Variants in PPP1R1C observed in about 807,000 individuals in gnomAD.
The protein encoded by PPP1R1C is protein phosphatase 1 regulatory inhibitor subunit 1C.
PPP1R1C carries 15 observed loss-of-function variants against 17.4 expected under a neutral mutation model. That is an observed-to-expected ratio of 0.86 (90% confidence interval 0.58 to 1.33). The LOEUF is 1.33. PPP1R1C is among the 40% of genes most tolerant of loss of function. The pLI, the probability that PPP1R1C is intolerant of heterozygous loss-of-function variation, is 0.00. For synonymous variants in PPP1R1C, 35 were observed against 43.1 expected, an observed-to-expected ratio of 0.81 and a Z score of 0.73; for missense variants, 143 against 130.0, an observed-to-expected ratio of 1.10 and a Z score of -0.48.
chr2:182,063,907 C>G (rs1178217186), intron 4 of PPP1R1C, 116 bp downstream of exon 4: 2 of 807,608 alleles, frequency 2.5e-6, no homozygotes, highest in African/African-American at 3.4e-5. Flanking sequence ...AGCTCTACAA[C>G]TTAACAGTGT....
intron 2 of PPP1R1C, among the ~76,000 whole-genome samples, chr2:182,021,193 GGTA>G (rs1403276639): frequency 6.6e-5 from 10 of 152,084 alleles, no homozygotes; most frequent in Non-Finnish European, 1.2e-4. Context: ...TCATGCATGT[GGTA>G]GAAAGAGTCC....
chr2:181,979,472 T>C (rs1489976034), intron 2 of PPP1R1C, among the ~76,000 whole-genome samples: 2 of 152,238 alleles, frequency 1.3e-5, no homozygotes, highest in Non-Finnish European at 2.9e-5. Flanking sequence ...TACTTCTACA[T>C]GGGCACCACA....
intron 2 of PPP1R1C, among the ~76,000 whole-genome samples, chr2:182,028,352 G>T (rs1420221837): frequency 6.7e-6 from 1 of 148,362 alleles, no homozygotes; most frequent in African/African-American, 2.5e-5. Flanking sequence ...GGCATTTAGT[G>T]CTATAAATTT....
At chr2:181,984,892 A>G (rs1445637607), upstream of PPP1R1C, among the ~76,000 whole-genome samples, 1 of 152,216 alleles carries the variant, frequency 6.6e-6, no homozygotes, top group East Asian at 1.9e-4. Flanking sequence ...CGAATGCATG[A>G]AGGCCATCTG....
chr2:182,071,267 G>A lies in PPP1R1C; in HGVS notation c.241+7476G>A, dbSNP rs191669013. On this transcript the variant is annotated intron_variant, in intron 4 of 4. Coordinates refer to ENST00000682840, the MANE Select transcript of PPP1R1C (RefSeq NM_001080545.3). ...TCTGGGATGTGACAATTTCTCAGACGTCCCTTGTTTGTGATGACCTTAAAC... is the reference window on the plus strand; with the variant it reads ...TCTGGGATGTGACAATTTCTCAGACATCCCTTGTTTGTGATGACCTTAAAC... Among the ~76,000 whole-genome samples, 174 of 152,158 alleles carry A rather than the reference G, an allele frequency of 1.1e-3. 2 individuals carry two copies. The highest frequency in any genetic ancestry group is 2.6e-4 in the Non-Finnish European group (18 of 68,004).
intron 4 of PPP1R1C, among the ~76,000 whole-genome samples, chr2:182,107,960 C>T (rs993733500): frequency 1.3e-5 from 2 of 151,822 alleles, no homozygotes; most frequent in Non-Finnish European, 2.9e-5. Flanking sequence ...TATAGCTATC[C>T]CCACCTGCAT....
chr2:182,070,183 A>T (rs1688101061), intron 4 of PPP1R1C, among the ~76,000 whole-genome samples: 1 of 152,228 alleles, frequency 6.6e-6, no homozygotes, highest in Admixed American at 6.5e-5. Flanking sequence ...AGTCATATTT[A>T]CATATAAGTC....
chr2:182,063,691 T>G (rs1176989926), intron 3 of PPP1R1C, 40 bp from the exon 4 acceptor site: 5 of 1,532,174 alleles, frequency 3.3e-6, no homozygotes, highest in East Asian at 2.3e-5. Flanking sequence ...GTACTTTGTA[T>G]CCAAATCTAA....
At chr2:181,999,297 T>G (rs536756820) in intron 2 of PPP1R1C, among the ~76,000 whole-genome samples, 1 of 152,346 alleles carries the variant, frequency 6.6e-6, no homozygotes, top group East Asian at 1.9e-4. Flanking sequence ...TGTATCTTAC[T>G]TTTGGTAGAT....
At chr2:181,979,574 C>T (rs1248763456) in intron 2 of PPP1R1C, among the ~76,000 whole-genome samples, 3 of 152,352 alleles carry the variant, frequency 2.0e-5, no homozygotes, top group Admixed American at 2.0e-4. Context: ...GTAAATCCCA[C>T]ATTTCTTTGC....
intron 2 of PPP1R1C, among the ~76,000 whole-genome samples, chr2:182,025,758 G>C (rs1402181435): frequency 9.7e-5 from 14 of 144,144 alleles, no homozygotes; most frequent in African/African-American, 2.8e-4. Flanking sequence ...GGTATTTCTA[G>C]TTCTAGATCC....
chr2:182,032,175 A>T (rs533950824), intron 2 of PPP1R1C, among the ~76,000 whole-genome samples: 2 of 152,354 alleles, frequency 1.3e-5, no homozygotes, highest in South Asian at 4.1e-4. Flanking sequence ...CCAAAAGTCA[A>T]GGGGGCCATC....
chr2:182,021,410 C>A (rs760936939), intron 2 of PPP1R1C, among the ~76,000 whole-genome samples: 2 of 150,220 alleles, frequency 1.3e-5, no homozygotes, highest in African/African-American at 2.5e-5. Flanking sequence ...TCACTGCAAC[C>A]TCCGCCCCTT....
intron 2 of PPP1R1C, among the ~76,000 whole-genome samples, chr2:182,006,344 A>G (rs903952295): frequency 6.6e-6 from 1 of 152,192 alleles, no homozygotes; most frequent in Non-Finnish European, 1.5e-5. Flanking sequence ...TTGCCTTTTT[A>G]TTTCTTAGCC....
In PPP1R1C at chr2:182,068,012, A is replaced by T. The variant is rs112525093; in HGVS notation, c.241+4221A>T. Among the ~76,000 whole-genome samples, 9 of 152,234 alleles carry T rather than the reference A, an allele frequency of 5.9e-5. 3 individuals are homozygous for T. Among genetic ancestry groups the T allele is most frequent in the African/African-American group, 2.2e-4 (9 of 41,578 alleles). ...GAGAACATCTTATCTGAATTGCAGT[A>T]GTCCTAAAGAAAGAATTTCTTGGGA... On this transcript the variant is annotated intron_variant, in intron 4 of 4. Transcript: ENST00000682840.
At position 182,003,521 on chromosome 2, in the gene PPP1R1C, T is replaced by C. The variant is rs147085682; in HGVS notation, c.142+15622T>C. ...TTTGGACATGGACATACAAGAAATA[T>C]GTTTTCTTGCAGCTCAGAGCTGAAA... is the stretch of plus-strand genomic sequence containing the variant. On this transcript the variant is annotated intron_variant, in intron 2 of 4. Coordinates refer to ENST00000682840, the MANE Select transcript of PPP1R1C (RefSeq NM_001080545.3). Among the ~76,000 whole-genome samples the C allele has an allele frequency of 3.9e-3, 593 of 152,282 alleles. 6 individuals carry two copies. Among genetic ancestry groups the C allele is most frequent in the African/African-American group, 0.014 (568 of 41,566 alleles).
Position 181,957,556 on chromosome 2 carries a change from A to G in PPP1R1C, n.111+2922A>G, listed in dbSNP as rs1351931127. Among the ~76,000 whole-genome samples, 1 of 152,214 alleles carries G rather than the reference A, an allele frequency of 6.6e-6. No individual in the cohort carries two copies. Among genetic ancestry groups the G allele is most frequent in the Non-Finnish European group, 1.5e-5 (1 of 68,030 alleles). On this transcript the variant is annotated intron_variant and non_coding_transcript_variant, in intron 1 of 5. Transcript: ENST00000464264. The surrounding 1 kb of genome is among the most constrained non-coding windows in gnomAD (Gnocchi z 4.2). ...CATTGTTTATACGTAAAATTACTAA[A>G]TATTAGTTATTGGGTAGTCCTAGAT...
chr2:182,104,002 G>A (rs556417740), intron 4 of PPP1R1C, among the ~76,000 whole-genome samples: 2 of 152,170 alleles, frequency 1.3e-5, no homozygotes, highest in Non-Finnish European at 2.9e-5. Flanking sequence ...CCATGGACCC[G>A]ATGGGATTAA....
At chr2:182,061,835 C>G (rs1324625591) in intron 3 of PPP1R1C, among the ~76,000 whole-genome samples, 1 of 152,038 alleles carries the variant, frequency 6.6e-6, no homozygotes, top group Non-Finnish European at 1.5e-5. Flanking sequence ...GGGATGACAC[C>G]TCTTACAGGG....
Sources: gnomAD v4.1 joint callset for allele counts (sites outside exome capture counted in the v4.1 genomes callset) on GRCh38, gnomAD v4.1.1 for gene constraint, Gnocchi (gnomAD v3.1) non-coding constraint, MANE v1.5 for transcripts, NCBI Gene and HGNC (gene_info 2026-07-23, HGNC 2026-07-21) for gene names.